CACNA2D1: variants seen among roughly 807,000 people sequenced by gnomAD.
CACNA2D1 encodes voltage-dependent calcium channel subunit alpha-2/delta-1.
CACNA2D1 carries 53 observed loss-of-function variants against 171.5 expected under a neutral mutation model. The observed-to-expected ratio is 0.31, with a 90% CI of 0.25 to 0.39. CACNA2D1 has a LOEUF of 0.39. Ranked by LOEUF, CACNA2D1 falls within the 10% of genes least tolerant of loss-of-function variation. The probability of loss-of-function intolerance (pLI) is 1.00; values close to 1 mark genes in which losing one functional copy is unlikely to be tolerated. For synonymous variants in CACNA2D1, 442 were observed against 443.1 expected (o/e 1.00, Z 0.03); for missense variants, 903 against 1,299.8 (o/e 0.69, Z 4.69).
At chr7:82,153,172 C>G (rs980552046) in intron 4 of CACNA2D1, among the ~76,000 whole-genome samples, 2 of 151,332 alleles carry the variant, frequency 1.3e-5, no homozygotes, top group Non-Finnish European at 2.9e-5. Flanking sequence ...AACCTACAAA[C>G]TCAGCATTTT....
At chr7:82,355,637 G>A (rs1378718882) in intron 1 of CACNA2D1, among the ~76,000 whole-genome samples, 1 of 151,966 alleles carries the variant, frequency 6.6e-6, no homozygotes, top group Non-Finnish European at 1.5e-5. Flanking sequence ...CTGCCCTCTT[G>A]AGACCCGTGC....
chr7:82,177,579 G>A (rs1206505988), intron 3 of CACNA2D1, among the ~76,000 whole-genome samples: 2 of 149,950 alleles, frequency 1.3e-5, no homozygotes, highest in Non-Finnish European at 3.0e-5. Context: ...AACCCCTCAG[G>A]GAAACTAAGC....
chr7:82,119,476 A>T (rs1584815251), intron 5 of CACNA2D1, among the ~76,000 whole-genome samples: 1 of 152,326 alleles, frequency 6.6e-6, no homozygotes, highest in African/African-American at 2.4e-5. Flanking sequence ...TAATTTGGAA[A>T]GTCATAATGA....
intron 10 of CACNA2D1, among the ~76,000 whole-genome samples, chr7:82,045,845 C>T (rs6467882): frequency 0.83 from 126,555 of 152,044 alleles, 53,077 homozygotes; most frequent in African/African-American, 0.9. Context: ...ATGAGGTGTA[C>T]GATGTTAAAG....
chr7:82,380,933 G>A (rs185988684), intron 1 of CACNA2D1, among the ~76,000 whole-genome samples: 1 of 152,082 alleles, frequency 6.6e-6, no homozygotes, highest in Non-Finnish European at 1.5e-5. Context: ...GGTCTCAAGT[G>A]ATCTGCCTGC....
chr7:82,035,878 C>CTTTTAAT (rs1487085669), intron 11 of CACNA2D1, among the ~76,000 whole-genome samples: 2 of 152,044 alleles, frequency 1.3e-5, no homozygotes, highest in African/African-American at 2.4e-5. Context: ...TAGTTTTGAG[C>CTTTTAAT]TTTTAATTTT....
intron 4 of CACNA2D1, among the ~76,000 whole-genome samples, chr7:82,145,366 C>T (rs1024009361): frequency 7.1e-6 from 1 of 140,086 alleles, no homozygotes; most frequent in Non-Finnish European, 1.5e-5. Context: ...ATATATTACA[C>T]ATTATATATT....
chr7:81,966,026 G>C (rs1794675997), intron 31 of CACNA2D1, among the ~76,000 whole-genome samples: 1 of 151,224 alleles, frequency 6.6e-6, no homozygotes, highest in Non-Finnish European at 1.5e-5. Flanking sequence ...CACATACTTA[G>C]GATTTTGACA....
chr7:82,027,837 A>G (rs896703755), intron 12 of CACNA2D1: 1 of 151,768 alleles, frequency 6.6e-6, no homozygotes, highest in African/African-American at 2.4e-5. Context: ...GTGATATCAT[A>G]CTGTTATATT....
intron 3 of CACNA2D1, among the ~76,000 whole-genome samples, chr7:82,174,866 A>G (rs1421505493): frequency 1.3e-5 from 2 of 152,078 alleles, no homozygotes; most frequent in East Asian, 3.9e-4. Flanking sequence ...GAGAATGAAG[A>G]GGTTTTATCA....
At chr7:82,350,374 T>A (rs1819713287) in intron 1 of CACNA2D1, among the ~76,000 whole-genome samples, 1 of 152,096 alleles carries the variant, frequency 6.6e-6, no homozygotes, top group African/African-American at 2.4e-5. Context: ...TTAAGAATAT[T>A]TTATTTCCGG....
chr7:82,260,425 G>A (rs1340110657), intron 3 of CACNA2D1, among the ~76,000 whole-genome samples: 4 of 152,080 alleles, frequency 2.6e-5, no homozygotes, highest in African/African-American at 9.7e-5. Flanking sequence ...TTACTATAGG[G>A]AACTAAAGAT....
At chr7:82,006,353 A>G (rs1018348739) in intron 16 of CACNA2D1, among the ~76,000 whole-genome samples, 1 of 151,976 alleles carries the variant, frequency 6.6e-6, no homozygotes, top group African/African-American at 2.4e-5. Context: ...TCCTCAAAAC[A>G]CTATTTCTAG....
chr7:82,330,394 T>C (rs1817167402), intron 3 of CACNA2D1, among the ~76,000 whole-genome samples: 1 of 152,092 alleles, frequency 6.6e-6, no homozygotes, highest in Non-Finnish European at 1.5e-5. Context: ...AAAGCAATAA[T>C]TTCACCAAAA....
intron 1 of CACNA2D1, among the ~76,000 whole-genome samples, chr7:82,375,846 GA>G (rs1449567371): frequency 6.6e-6 from 1 of 152,178 alleles, no homozygotes; most frequent in Non-Finnish European, 1.5e-5. Flanking sequence ...TCTCTAGGGT[GA>G]AAATCAGTTA....
intron 1 of CACNA2D1, among the ~76,000 whole-genome samples, chr7:82,407,886 A>G (rs983407492): frequency 6.6e-6 from 1 of 152,174 alleles, no homozygotes; most frequent in Non-Finnish European, 1.5e-5. Flanking sequence ...GATATAGCCC[A>G]TCTATCCCTG....
rs373210675 is a variant in CACNA2D1 at position 82,023,584 on chromosome 7, T to C, written c.1144-9105A>G. Among the ~76,000 whole-genome samples, 724 of 91,104 alleles carry C rather than the reference T, an allele frequency of 7.9e-3. 10 individuals are homozygous for C. Among genetic ancestry groups the C allele is most frequent in the African/African-American group, 0.046 (702 of 15,150 alleles). 59.8% of individuals were successfully genotyped at this position (91,104 alleles called of 152,430 possible). ...GCTTGGGGGAAAACAAAGAGTTAGG[T>C]TTTTTTTTTTAAGCTCACCAAACTT... On this transcript the variant is annotated intron_variant, in intron 12 of 38. Transcript: ENST00000356860.
rs144053913 is a variant in CACNA2D1 at position 82,179,458 on chromosome 7, G to T, written c.295-8849C>A. On this transcript the variant is annotated intron_variant, in intron 3 of 38. Transcript: ENST00000356860. Reference sequence around the variant, plus strand: ...TACATTAGGAGATCATCCACTCAGAGAATGCAAATATCTCTTCAGCTTGAG... The same window carrying T: ...TACATTAGGAGATCATCCACTCAGATAATGCAAATATCTCTTCAGCTTGAG... 7.2e-3 allele frequency among the ~76,000 whole-genome samples: 1,102 copies of T among 152,156 alleles called. 13 individuals carry two copies. The highest frequency in any genetic ancestry group is 0.025 in the African/African-American group (1,029 of 41,530).
intron 1 of CACNA2D1, among the ~76,000 whole-genome samples, chr7:82,427,887 T>C (rs1829328432): frequency 6.6e-6 from 1 of 152,048 alleles, no homozygotes; most frequent in Admixed American, 6.6e-5. Flanking sequence ...GGAAACCTGA[T>C]TAGAAAGGCA....
Sources: gnomAD v4.1 joint callset for allele counts (sites outside exome capture counted in the v4.1 genomes callset) on GRCh38, gnomAD v4.1.1 for gene constraint, MANE v1.5 for transcripts, NCBI Gene and HGNC (gene_info 2026-07-23, HGNC 2026-07-21) for gene names.